Variants in SLCO1B3 observed in about 807,000 individuals in gnomAD.
The protein encoded by SLCO1B3 is solute carrier organic anion transporter family member 1B3.
A neutral mutation model predicts 71.8 loss-of-function variants in SLCO1B3; 72 were observed. The ratio of observed to expected loss-of-function variants is 1.00; its 90% CI spans 0.83 to 1.22. SLCO1B3 has a LOEUF of 1.22. Among genes scored for constraint, SLCO1B3 ranks in the 50% most tolerant of loss-of-function variants. SLCO1B3 has a pLI of 0.00. For missense variants in SLCO1B3, 911 were observed against 819.7 expected (o/e 1.11, Z -1.36); for synonymous variants, 298 against 278.4 (o/e 1.07, Z -0.70).
chr12:20,813,874 T>G (rs1864146948), intron 2 of SLCO1B3, among the ~76,000 whole-genome samples: 4 of 152,318 alleles, frequency 2.6e-5, no homozygotes, highest in Non-Finnish European at 5.9e-5. Context: ...CCAGCAACTT[T>G]ATGGAACATA....
chr12:20,907,241 T>A (rs1196758350), intron 15 of SLCO1B3, among the ~76,000 whole-genome samples: 1 of 152,200 alleles, frequency 6.6e-6, no homozygotes, highest in East Asian at 1.9e-4. Flanking sequence ...CTACCTGATG[T>A]GTAAATTCAC....
At chr12:20,821,098 C>T (rs2121089398) in intron 3 of SLCO1B3, among the ~76,000 whole-genome samples, 1 of 152,112 alleles carries the variant, frequency 6.6e-6, no homozygotes, top group South Asian at 2.1e-4. Context: ...ATTAGAAAGA[C>T]TCAGCGACGC....
intron 3 of SLCO1B3, among the ~76,000 whole-genome samples, chr12:20,820,043 A>C (rs1864264327): frequency 1.3e-5 from 2 of 152,100 alleles, no homozygotes; most frequent in Non-Finnish European, 2.9e-5. Flanking sequence ...AGTATTGTCT[A>C]AGTTGGCACC....
intron 3 of SLCO1B3, among the ~76,000 whole-genome samples, chr12:20,832,956 C>T (rs375171871): frequency 5.3e-5 from 7 of 133,146 alleles, no homozygotes; most frequent in Non-Finnish European, 1.2e-4. Flanking sequence ...AAAAAATTAT[C>T]TTAGAGATCT....
chr12:20,915,456 T>C (rs1037005819), intron 15 of SLCO1B3, among the ~76,000 whole-genome samples: 7 of 152,314 alleles, frequency 4.6e-5, no homozygotes, highest in Non-Finnish European at 5.9e-5. Context: ...CCCTGACATA[T>C]CTGGGTCTGG....
At chr12:20,812,331 C>G (rs10770741) in intron 1 of SLCO1B3, among the ~76,000 whole-genome samples, 137,425 of 152,204 alleles carry the variant, frequency 0.9, 62,909 homozygotes, top group East Asian at 0.99. Flanking sequence ...TTGGAAAGTA[C>G]GGGAAATAAC....
At chr12:20,856,811 C>T (rs1236088900) in intron 4 of SLCO1B3, among the ~76,000 whole-genome samples, 1 of 152,170 alleles carries the variant, frequency 6.6e-6, no homozygotes, top group East Asian at 1.9e-4. Flanking sequence ...CTGCTAGCCT[C>T]AGCCTTTCAG....
intron 8 of SLCO1B3, among the ~76,000 whole-genome samples, chr12:20,866,001 A>G (rs563416387): frequency 6.6e-6 from 1 of 152,206 alleles, no homozygotes; most frequent in South Asian, 2.1e-4. Flanking sequence ...TCATCTCCAT[A>G]TGAGTAGTTT....
intron 3 of SLCO1B3, among the ~76,000 whole-genome samples, chr12:20,836,742 T>C (rs1864690049): frequency 1.3e-5 from 2 of 151,998 alleles, no homozygotes; most frequent in East Asian, 1.9e-4. Context: ...CCCTGGTTCA[T>C]GCCATTCTCC....
At chr12:20,886,109 A>G (rs781426010) in intron 13 of SLCO1B3, among the ~76,000 whole-genome samples, 4 of 152,106 alleles carry the variant, frequency 2.6e-5, no homozygotes, top group Non-Finnish European at 5.9e-5. Context: ...GGCATGTGAC[A>G]AAGATAATTT....
intron 12 of SLCO1B3, 91 bp from the exon 13 acceptor site, chr12:20,883,327 G>T: frequency 4.2e-6 from 3 of 707,146 alleles, no homozygotes; most frequent in South Asian, 3.6e-5. Context: ...AAATATTTTA[G>T]TTTGAGACTT....
chr12:20,817,675 C>T (rs567053101), intron 3 of SLCO1B3, among the ~76,000 whole-genome samples: 1 of 152,150 alleles, frequency 6.6e-6, no homozygotes, highest in African/African-American at 2.4e-5. Flanking sequence ...GCAAGCTCCA[C>T]CTGCTGGGTT....
intron 12 of SLCO1B3, among the ~76,000 whole-genome samples, chr12:20,882,950 T>C (rs949326061): frequency 2.0e-5 from 3 of 152,216 alleles, no homozygotes; most frequent in Non-Finnish European, 4.4e-5. Flanking sequence ...CCTGTCATTA[T>C]GGTCTTGAAT....
At chr12:20,877,530 A>G (rs954323680) in intron 9 of SLCO1B3, among the ~76,000 whole-genome samples, 12 of 152,044 alleles carry the variant, frequency 7.9e-5, no homozygotes, top group Non-Finnish European at 1.5e-4. Context: ...ATGGATCAAC[A>G]TTGTAGTGAG....
At chr12:20,913,101 G>A (rs999080231) in intron 15 of SLCO1B3, among the ~76,000 whole-genome samples, 64 of 152,242 alleles carry the variant, frequency 4.2e-4, no homozygotes, top group Non-Finnish European at 5.1e-4. Flanking sequence ...CTGTTATACT[G>A]TTGGTTGATA....
At position 20,877,755 on chromosome 12, in the gene SLCO1B3, T is replaced by G. The variant is rs1216525477; in HGVS notation, c.971-17T>G. The G allele has an allele frequency of 1.7e-6, 2 of 1,188,572 alleles. No homozygotes were observed. Among genetic ancestry groups the G allele is most frequent in the Non-Finnish European group, 2.2e-6 (2 of 891,502 alleles). 73.6% of individuals were successfully genotyped at this position (1,188,572 alleles called of 1,614,324 possible). On this transcript the variant is annotated splice_polypyrimidine_tract_variant and intron_variant, in intron 9 of 15. Coordinates refer to ENST00000381545, the MANE Select transcript of SLCO1B3 (RefSeq NM_019844.4). ...TATATTTTATTATTGAAATATGTTA[T>G]TTTTATAACTCTATAGGTTTTTTCC... is the stretch of plus-strand genomic sequence containing the variant.
intron 3 of SLCO1B3, among the ~76,000 whole-genome samples, chr12:20,819,714 T>A: frequency 6.6e-6 from 1 of 152,162 alleles, no homozygotes. Flanking sequence ...AGGCGAGTGA[T>A]AACAGGCTTT....
chr12:20,858,542 G>T lies in SLCO1B3; in HGVS notation c.330G>T (p.Leu110Phe), dbSNP rs544431416. The T allele has an allele frequency of 1.2e-6, 2 of 1,606,506 alleles. No individual in the cohort carries two copies. Among genetic ancestry groups the T allele is most frequent in the African/African-American group, 2.7e-5 (2 of 74,800 alleles). Residue 110 changes from leucine to phenylalanine, a missense_variant, in exon 5 of 16, where the codon TTG (leucine) becomes TTT (phenylalanine). By Grantham distance (22) the Leu-to-Phe change is conservative (BLOSUM62 0). Transcript: ENST00000381545. ...GCLLMGTGSI[L>F]TSLPHFFMGY... ...TCCTTATGGGAACTGGAAGTATTTT[G>T]ACATCTTTACCACATTTCTTCATGG...
chr12:20,869,455 T>C (rs925810873), intron 8 of SLCO1B3, among the ~76,000 whole-genome samples: 2 of 152,246 alleles, frequency 1.3e-5, no homozygotes, highest in Non-Finnish European at 2.9e-5. Flanking sequence ...TGATTAATGA[T>C]ATTCATATAT....
Sources: gnomAD v4.1 joint callset for allele counts (sites outside exome capture counted in the v4.1 genomes callset) on GRCh38, gnomAD v4.1.1 for gene constraint, MANE v1.5 for transcripts, NCBI Gene and HGNC (gene_info 2026-07-23, HGNC 2026-07-21) for gene names.